Variants in RASGRP1 observed in about 807,000 individuals in gnomAD.
The protein encoded by RASGRP1 is RAS guanyl-releasing protein 1.
A neutral mutation model predicts 95.1 loss-of-function variants in RASGRP1; 37 were observed. The observed-to-expected ratio is 0.39, with a 90% CI of 0.30 to 0.51. The LOEUF is 0.51. Among genes scored for constraint, RASGRP1 ranks in the 20% least tolerant of loss-of-function variants. The pLI, the probability that RASGRP1 is intolerant of heterozygous loss-of-function variation, is 0.80. For synonymous variants in RASGRP1, 325 were observed against 353.4 expected (o/e 0.92, Z 0.90); for missense variants, 711 against 965.4 (o/e 0.74, Z 3.49).
chr15:38,527,960 T>C (rs1278893830), intron 2 of RASGRP1, among the ~76,000 whole-genome samples: 1 of 152,010 alleles, frequency 6.6e-6, no homozygotes, highest in Non-Finnish European at 1.5e-5. Context: ...CCCATCTCAA[T>C]AATTAAAGTG....
chr15:38,556,341 T>G (rs1397233554), intron 2 of RASGRP1, among the ~76,000 whole-genome samples: 1 of 152,208 alleles, frequency 6.6e-6, no homozygotes, highest in Non-Finnish European at 1.5e-5. Context: ...TTGAAAGTGC[T>G]CTTAATTTAT....
In RASGRP1 at chr15:38,494,643, C is replaced by A; in HGVS notation, c.1998G>T (p.Arg666Ser). 1 of 1,552,392 alleles carries A rather than the reference C, an allele frequency of 6.4e-7. No individual in the cohort carries two copies. Among genetic ancestry groups the A allele is most frequent in the East Asian group, 2.3e-5 (1 of 43,934 alleles). Reference sequence around the variant, plus strand: ...TCTGGGTGGCCTTGTGGGCAACAGCCCTCTTCAGCCGAAGAGAAATCTTCT... The same window carrying A: ...TCTGGGTGGCCTTGTGGGCAACAGCACTCTTCAGCCGAAGAGAAATCTTCT... The part of the protein sequence containing the change: ...SSQKISLRLK[R>S]AVAHKATQTE... The change falls in exon 16 of 17, where the codon AGG becomes AGT. Residue 666 changes from arginine to serine, a missense_variant. By Grantham distance (110) the Arg-to-Ser change is moderately radical (BLOSUM62 -1). This residue lies in a region of RASGRP1 where 212 missense variants were observed against 247.8 expected (regional missense o/e 0.86). Coordinates refer to ENST00000310803, the MANE Select transcript of RASGRP1 (RefSeq NM_005739.4).
At chr15:38,536,459 A>G (rs1223401486) in intron 2 of RASGRP1, among the ~76,000 whole-genome samples, 1 of 152,224 alleles carries the variant, frequency 6.6e-6, no homozygotes, top group African/African-American at 2.4e-5. Context: ...TTATCTATTA[A>G]ATTCTTGGCC....
intron 2 of RASGRP1, among the ~76,000 whole-genome samples, chr15:38,540,854 A>T (rs990479404): frequency 6.6e-6 from 1 of 152,226 alleles, no homozygotes; most frequent in African/African-American, 2.4e-5. Context: ...TCCAAAATAT[A>T]TGTACTGAAA....
intron 16 of RASGRP1, 72 bp downstream of exon 16, chr15:38,494,310 A>T (rs909898314): frequency 6.4e-7 from 1 of 1,556,700 alleles, no homozygotes; most frequent in Admixed American, 1.7e-5. Flanking sequence ...TCTTCAGTCC[A>T]CATGCTCTTT....
At chr15:38,549,660 C>T (rs28651296) in intron 2 of RASGRP1, among the ~76,000 whole-genome samples, 3 of 151,334 alleles carry the variant, frequency 2.0e-5, no homozygotes, top group South Asian at 2.1e-4. Context: ...CTTCCCTCTT[C>T]CCCTCTGCTT....
In RASGRP1 at chr15:38,519,296, A is replaced by C. The variant is rs1891905898; in HGVS notation, c.389+13T>G. The C allele has an allele frequency of 6.6e-7, 1 of 1,517,322 alleles. No homozygotes were observed. The highest frequency in any genetic ancestry group is 1.7e-5 in the Admixed American group (1 of 58,624). 94.0% of individuals were successfully genotyped at this position (1,517,322 alleles called of 1,614,324 possible). On this transcript the variant is annotated intron_variant, in intron 4 of 16. Transcript: ENST00000310803. ...TGCTCCACAAAGTCTTGAAATACAT[A>C]AAGAAACATTACCTTACAAAATAAC...
chr15:38,501,574 A>G (rs1566911345), intron 12 of RASGRP1: 1 of 515,492 alleles, frequency 1.9e-6, no homozygotes, highest in East Asian at 4.3e-5. Flanking sequence ...AAAAGAAACA[A>G]TGTAACATGT....
chr15:38,534,396 C>G (rs776090318), intron 2 of RASGRP1: 3 of 151,906 alleles, frequency 2.0e-5, no homozygotes, highest in Non-Finnish European at 4.4e-5. Flanking sequence ...ATAGGACAGC[C>G]TGCCATATAG....
At chr15:38,564,429 G>A (rs865816541) in intron 1 of RASGRP1, among the ~76,000 whole-genome samples, 165 bp downstream of exon 1, 5 of 151,972 alleles carry the variant, frequency 3.3e-5, no homozygotes, top group Non-Finnish European at 7.4e-5. Flanking sequence ...CAGCGCGCCG[G>A]GCGTTCTGGA....
chr15:38,523,464 C>A (rs1425581367), intron 3 of RASGRP1, among the ~76,000 whole-genome samples: 1 of 152,024 alleles, frequency 6.6e-6, no homozygotes, highest in African/African-American at 2.4e-5. Context: ...TGTGTAGAGT[C>A]AAAGTTTTAA....
intron 2 of RASGRP1, among the ~76,000 whole-genome samples, chr15:38,552,421 T>A (rs1018066756): frequency 5.3e-5 from 8 of 152,214 alleles, no homozygotes; most frequent in Non-Finnish European, 1.2e-4. Flanking sequence ...CTGGTAAATG[T>A]TTAACAATGG....
At chr15:38,560,156 T>A in intron 1 of RASGRP1, 151 bp from the exon 2 acceptor site, 2 of 706,788 alleles carry the variant, frequency 2.8e-6, no homozygotes, top group Non-Finnish European at 2.4e-6. Flanking sequence ...ATGCACCAAA[T>A]GACTGGTTGG....
chr15:38,512,599 C>T (rs1891579823), intron 7 of RASGRP1, among the ~76,000 whole-genome samples, 184 bp downstream of exon 7: 1 of 152,166 alleles, frequency 6.6e-6, no homozygotes, highest in Admixed American at 6.5e-5. Flanking sequence ...TCCACACTGT[C>T]CTTGTATGGA....
Position 38,494,424 on chromosome 15 carries a change from C to G in RASGRP1, c.2217G>C (p.Glu739Asp). The change falls in exon 16 of 17, where the codon GAG becomes GAC. Residue 739 changes from glutamate (E) to aspartate (D), a missense_variant. Around this residue, in one of 3 missense-constraint regions of RASGRP1, gnomAD observed 212 missense variants for 247.8 expected, o/e 0.86. Transcript: ENST00000310803. ...AGGTAGGCAGTCTGAGGTGACGGAG[C>G]TCCTCCTTTGATTTTATGAGGGAGT... is the stretch of plus-strand genomic sequence containing the variant. Reference protein sequence around the residue: ...NKDSLIKSKEELRHLRLPTYQ... With the variant: ...NKDSLIKSKEDLRHLRLPTYQ... 4 of 1,613,906 alleles carry G rather than the reference C, an allele frequency of 2.5e-6. No homozygotes were observed. Among genetic ancestry groups the G allele is most frequent in the Non-Finnish European group, 3.4e-6 (4 of 1,179,854 alleles).
At chr15:38,557,875 C>T (rs867615524) in intron 2 of RASGRP1, among the ~76,000 whole-genome samples, 63 of 152,162 alleles carry the variant, frequency 4.1e-4, no homozygotes, top group Middle Eastern at 3.4e-3. Context: ...AATATATTGT[C>T]GTTGCCTTTG....
chr15:38,523,052 T>C (rs1447656910), intron 3 of RASGRP1, among the ~76,000 whole-genome samples: 2 of 152,038 alleles, frequency 1.3e-5, no homozygotes, highest in Non-Finnish European at 2.9e-5. Flanking sequence ...ATAAGAGTCA[T>C]TTCTGAAGTA....
chr15:38,542,614 C>A (rs1319998323), intron 2 of RASGRP1, among the ~76,000 whole-genome samples: 1 of 150,870 alleles, frequency 6.6e-6, no homozygotes, highest in African/African-American at 2.4e-5. Context: ...GTTCTCAGGG[C>A]AACATGCAAG....
intron 2 of RASGRP1, among the ~76,000 whole-genome samples, chr15:38,537,479 A>AT (rs1056724123): frequency 2.6e-5 from 4 of 152,130 alleles, no homozygotes; most frequent in Admixed American, 1.3e-4. Context: ...ATGAGCTGCC[A>AT]TGCACGCAAC....
Sources: allele counts gnomAD v4.1 joint callset (sites outside exome capture counted in the v4.1 genomes callset), GRCh38; gene constraint gnomAD v4.1.1; regional missense constraint gnomAD v4.1.1; transcripts MANE v1.5; gene names NCBI Gene and HGNC (gene_info 2026-07-23, HGNC 2026-07-21).